Variants in ROR1 observed in about 807,000 individuals in gnomAD.
ROR1 encodes the protein ROR family WNT receptor 1.
A neutral mutation model predicts 78.8 loss-of-function variants in ROR1; 19 were observed. That is an observed-to-expected ratio of 0.24 (90% CI 0.17 to 0.35). The LOEUF is 0.35. Among genes scored for constraint, ROR1 ranks in the 10% least tolerant of loss-of-function variants. The pLI, the probability that ROR1 is intolerant of heterozygous loss-of-function variation, is 1.00. For missense variants in ROR1, 917 were observed against 1,177.8 expected (o/e 0.78, Z 3.24); for synonymous variants, 386 against 433.6 (o/e 0.89, Z 1.36).
chr1:63,843,581 C>T (rs1040073861), intron 1 of ROR1: 3 of 719,190 alleles, frequency 4.2e-6, no homozygotes, highest in African/African-American at 3.5e-5. Flanking sequence ...GGCAGAAGAG[C>T]ACCACCTTCT....
At chr1:64,071,620 C>T (rs1001236268) in intron 4 of ROR1, among the ~76,000 whole-genome samples, 2 of 145,688 alleles carry the variant, frequency 1.4e-5, no homozygotes, top group African/African-American at 2.5e-5. Context: ...CACACACAAA[C>T]CTTGGTGGCT....
At chr1:64,101,708 G>C (rs967566549) in intron 4 of ROR1, among the ~76,000 whole-genome samples, 4 of 152,132 alleles carry the variant, frequency 2.6e-5, no homozygotes, top group Admixed American at 2.6e-4. Flanking sequence ...TGTGGTAGAG[G>C]TTGCTACTTT....
At chr1:64,056,506 A>T (rs1454368668) in intron 4 of ROR1, among the ~76,000 whole-genome samples, 5 of 151,614 alleles carry the variant, frequency 3.3e-5, no homozygotes, top group African/African-American at 9.7e-5. Context: ...GAAACCCCGT[A>T]TCTACTAAAA....
In ROR1 at chr1:63,842,839, T is replaced by C. The variant is rs144797433; in HGVS notation, c.91+68331T>C. Among the ~76,000 whole-genome samples the C allele has an allele frequency of 5.4e-3, 822 of 151,372 alleles. 9 individuals are homozygous for C. The highest frequency in any genetic ancestry group is 0.019 in the African/African-American group (784 of 41,206). On this transcript the variant is annotated intron_variant, in intron 1 of 8. Coordinates refer to ENST00000371079, the MANE Select transcript of ROR1 (RefSeq NM_005012.4). The stretch of plus-strand genomic sequence containing the variant: ...AACAGCAAGCATAGAGTCACTATTG[T>C]GGTTAGAAGTTGGCAGCATGGGAAG...
intron 1 of ROR1, among the ~76,000 whole-genome samples, chr1:63,923,505 TTC>T (rs1645674512): frequency 6.6e-6 from 1 of 151,792 alleles, no homozygotes; most frequent in Non-Finnish European, 1.5e-5. Flanking sequence ...TCCTTAATTT[TTC>T]TCTTTCCCTC....
chr1:63,961,380 G>T (rs1258956370), intron 1 of ROR1, among the ~76,000 whole-genome samples: 1 of 152,128 alleles, frequency 6.6e-6, no homozygotes, highest in Non-Finnish European at 1.5e-5. Flanking sequence ...AGAGATGTCT[G>T]CATTCCTATG....
At chr1:63,892,469 G>A (rs1173060947) in intron 1 of ROR1, among the ~76,000 whole-genome samples, 3 of 152,140 alleles carry the variant, frequency 2.0e-5, no homozygotes, top group African/African-American at 7.2e-5. Flanking sequence ...ACACTTGAAA[G>A]TATCACAGTT....
At chr1:63,983,133 A>G (rs1258429545) in intron 1 of ROR1, among the ~76,000 whole-genome samples, 1 of 152,234 alleles carries the variant, frequency 6.6e-6, no homozygotes. Flanking sequence ...TGTGCCAGGT[A>G]TGATGCTCCA....
chr1:64,068,287 G>C (rs1040959073), intron 4 of ROR1, among the ~76,000 whole-genome samples: 1 of 152,086 alleles, frequency 6.6e-6, no homozygotes, highest in Admixed American at 6.6e-5. Flanking sequence ...TGCATATTAA[G>C]TTTGTTCATA....
At chr1:64,132,624 G>A (rs1488444142) in intron 4 of ROR1, among the ~76,000 whole-genome samples, 3 of 151,962 alleles carry the variant, frequency 2.0e-5, no homozygotes, top group African/African-American at 4.8e-5. Flanking sequence ...GCCAGGCATG[G>A]TAGCACACGC....
intron 1 of ROR1, among the ~76,000 whole-genome samples, chr1:63,964,850 A>G (rs1646060496): frequency 6.6e-6 from 1 of 152,190 alleles, no homozygotes; most frequent in Non-Finnish European, 1.5e-5. Flanking sequence ...TGTGGGCCAG[A>G]GGCATGACCT....
At chr1:64,025,552 CATCA>C (rs562983956) in intron 2 of ROR1, among the ~76,000 whole-genome samples, 5 of 151,952 alleles carry the variant, frequency 3.3e-5, no homozygotes, top group African/African-American at 7.3e-5. Context: ...TCCAAATGCC[CATCA>C]ATCAATGAGT....
chr1:63,815,484 C>CTTTTTTTTTTTTTTTTTTTTTTTTTTT (rs34749985), intron 1 of ROR1, among the ~76,000 whole-genome samples: 16 of 85,326 alleles, frequency 1.9e-4, no homozygotes, highest in Admixed American at 4.3e-4. Context: ...TTTTCTTTTT[C>CTTTTTTTTTTTTTTTTTTTTTTTTTTT]TTTTTTTTTT....
At chr1:63,867,370 G>A (rs1317964893) in intron 1 of ROR1, among the ~76,000 whole-genome samples, 3 of 152,062 alleles carry the variant, frequency 2.0e-5, no homozygotes, top group East Asian at 3.9e-4. Context: ...TCTATGCTGT[G>A]TTTCCTGTCT....
At chr1:63,810,520 G>A (rs929196984) in intron 1 of ROR1, among the ~76,000 whole-genome samples, 1 of 152,234 alleles carries the variant, frequency 6.6e-6, no homozygotes, top group African/African-American at 2.4e-5. Context: ...ATAATGTAAT[G>A]TAATGCCATA....
chr1:63,774,217 A>C lies in ROR1; in HGVS notation c.-201A>C. ...CGAGGCTGCAGCCAGAGGGCTGGGA[A>C]GGGATCGCGCTCGCGGCATCCAGAG... On this transcript the variant is annotated 5_prime_UTR_variant, in exon 1 of 9. Coordinates refer to ENST00000371079, the MANE Select transcript of ROR1 (RefSeq NM_005012.4). This position sits in a 1 kb window ranked among gnomAD's most constrained non-coding sequence, Gnocchi z 5.7. 7.9e-6 allele frequency: 2 copies of C among 252,104 alleles called. No individual in the cohort carries two copies. The highest frequency in any genetic ancestry group is 1.5e-5 in the Non-Finnish European group (2 of 134,038). 15.6% of individuals were successfully genotyped at this position (252,104 alleles called of 1,614,324 possible). A position where few individuals can be genotyped will look rare whatever the true frequency, so the allele number is the denominator to read the frequency against.
intron 2 of ROR1, among the ~76,000 whole-genome samples, chr1:64,036,017 C>T (rs1646699455): frequency 6.6e-6 from 1 of 152,148 alleles, no homozygotes; most frequent in Non-Finnish European, 1.5e-5. Context: ...GCCAAGTAAA[C>T]ACATAGATGG....
intron 1 of ROR1, among the ~76,000 whole-genome samples, chr1:63,879,259 C>G (rs186276406): frequency 6.6e-6 from 1 of 152,060 alleles, no homozygotes; most frequent in African/African-American, 2.4e-5. Context: ...TAAATTTGAC[C>G]TGAAAATTAT....
intron 2 of ROR1, among the ~76,000 whole-genome samples, chr1:64,012,784 C>A (rs1180241696): frequency 1.3e-5 from 2 of 151,756 alleles, no homozygotes. Context: ...AACCATGGGG[C>A]AAATGCAAGA....
Sources: gnomAD v4.1 joint callset for allele counts (sites outside exome capture counted in the v4.1 genomes callset) on GRCh38, gnomAD v4.1.1 for gene constraint, Gnocchi (gnomAD v3.1) non-coding constraint, MANE v1.5 for transcripts, NCBI Gene and HGNC (gene_info 2026-07-23, HGNC 2026-07-21) for gene names.